The following DYSF variants were observed in gnomAD, a reference collection of about 807,000 sequenced individuals.
DYSF encodes the protein dysferlin, also known as dystrophy-associated fer-1-like 1.
Under a neutral mutation model 274.9 loss-of-function variants are expected in DYSF, and 212 were observed. The observed-to-expected ratio is 0.77, with a 90% CI of 0.69 to 0.86. The LOEUF (loss-of-function observed/expected upper bound fraction) is 0.86, where lower values mean the gene tolerates loss of function less well. Among genes scored for constraint, DYSF ranks in the 40% least tolerant of loss-of-function variants. DYSF has a pLI of 0.00. For missense variants in DYSF, 2,666 were observed against 2,783.2 expected (o/e 0.96, Z 0.95); for synonymous variants, 1,091 against 1,078.7 (o/e 1.01, Z -0.22).
intron 49 of DYSF, 46 bp downstream of exon 49, chr2:71,668,888 G>A (rs761366218): frequency 3.2e-6 from 5 of 1,584,434 alleles, no homozygotes; most frequent in East Asian, 2.3e-5. Context: ...AGGGGTGGGG[G>A]CGTTGCAGCC....
chr2:71,635,814 GAAGGAGATACAATAAAC>G (rs2152916305), intron 41 of DYSF, among the ~76,000 whole-genome samples: 2 of 150,674 alleles, frequency 1.3e-5, no homozygotes, highest in Non-Finnish European at 3.0e-5. Context: ...CCTTCATGGA[GAAGGAGATACAATAAAC>G]AATATTAATA....
rs370433490 is a variant in DYSF at position 71,481,986 on chromosome 2, G to C, written c.239+16G>C. On this transcript the variant is annotated intron_variant, in intron 3 of 55. Coordinates refer to ENST00000410020, the MANE Select transcript of DYSF (RefSeq NM_001130987.2). ...GGAGGAACAGGTAAGGTGGCCAGAG[G>C]GGGGTGCTCCATGGCTTGAAGGTGC... is the stretch of plus-strand genomic sequence containing the variant. The C allele has an allele frequency of 2.9e-4, 465 of 1,609,238 alleles. 2 individuals are homozygous for C. The highest frequency in any genetic ancestry group is 3.5e-4 in the Non-Finnish European group (413 of 1,175,984).
At chr2:71,467,026 C>G in intron 1 of DYSF, 93 bp downstream of exon 1, 1 of 1,484,244 alleles carries the variant, frequency 6.7e-7, no homozygotes, top group South Asian at 1.2e-5. Flanking sequence ...CGGAGCTAAC[C>G]CTAGTCCAGG....
At chr2:71,513,664 G>GCAGGGGCAGGGC in intron 6 of DYSF, 52 bp from the exon 7 acceptor site, 1 of 1,595,320 alleles carries the variant, frequency 6.3e-7, no homozygotes, top group East Asian at 2.2e-5. Flanking sequence ...AGGGGCAGGG[G>GCAGGGGCAGGGC]CAGGGGCAGG....
chr2:71,680,926 T>C, intron 53 of DYSF, 75 bp from the exon 54 acceptor site: 2 of 1,304,292 alleles, frequency 1.5e-6, no homozygotes, highest in East Asian at 2.3e-5. Context: ...CCTTATGTTT[T>C]TTCTGGCCTG....
chr2:71,556,632 A>G (rs2091360935), intron 22 of DYSF, among the ~76,000 whole-genome samples: 1 of 152,194 alleles, frequency 6.6e-6, no homozygotes, highest in South Asian at 2.1e-4. Context: ...ACTTTATAAT[A>G]TCTTCTAAAC....
chr2:71,542,789 C>A (rs2152772318), intron 17 of DYSF, among the ~76,000 whole-genome samples: 1 of 152,342 alleles, frequency 6.6e-6, no homozygotes, highest in East Asian at 1.9e-4. Context: ...ACAGACACAG[C>A]AACAATCTGA....
chr2:71,598,730 C>T lies in DYSF; in HGVS notation c.3741C>T (p.Tyr1247=), dbSNP rs375160101. Residue 1247 remains tyrosine, a synonymous_variant, in exon 33 of 56, where the codon TAC becomes TAT. Coordinates refer to ENST00000410020, the MANE Select transcript of DYSF (RefSeq NM_001130987.2). ...CGCCCAGCATTGTGGTGGAGCTGTACGACCATGACACTTATGTGAGTCTGC... is the reference window on the plus strand; with the variant it reads ...CGCCCAGCATTGTGGTGGAGCTGTATGACCATGACACTTATGTGAGTCTGC... ...EQPPSIVVEL[Y]DHDTYGADEF... is the part of the protein sequence containing the mutation. 3.0e-5 allele frequency: 49 copies of T among 1,612,692 alleles called. No individual in the cohort carries two copies. In the Middle Eastern group the frequency reaches 6.6e-4, roughly 22 times the overall value.
rs770883682 is a variant in DYSF at position 71,570,674 on chromosome 2, C to G, written c.3161C>G (p.Thr1054Arg). Reference protein sequence around the residue: ...HWVPAEKMYYTHRRRRWVRLR... With the variant: ...HWVPAEKMYYRHRRRRWVRLR... ...GTCCCTGCTGAGAAGATGTACTACA[C>G]ACACCGACGGCGGCGCTGGGTGCGC... The change falls in exon 29 of 56, where the codon ACA (threonine) becomes AGA (arginine). Residue 1054 changes from threonine to arginine, a missense_variant. Transcript: ENST00000410020. The G allele has an allele frequency of 5.6e-6, 9 of 1,614,106 alleles. No homozygotes were observed. Among genetic ancestry groups the G allele is most frequent in the Admixed American group, 1.7e-5 (1 of 60,016 alleles).
chr2:71,651,810 A>T (rs1336597462), intron 42 of DYSF, among the ~76,000 whole-genome samples: 11 of 152,184 alleles, frequency 7.2e-5, no homozygotes, highest in African/African-American at 2.7e-4. Context: ...ATGATAACCG[A>T]ATTTGCTTCA....
intron 2 of DYSF, 69 bp from the exon 3 acceptor site, chr2:71,481,810 G>A (rs1379897551): frequency 7.4e-7 from 1 of 1,353,650 alleles, no homozygotes; most frequent in Admixed American, 1.8e-5. Flanking sequence ...GTGGCACGAA[G>A]GTGAACCAGA....
intron 4 of DYSF, among the ~76,000 whole-genome samples, chr2:71,503,738 T>C (rs1485349325): frequency 6.6e-6 from 1 of 152,124 alleles, no homozygotes; most frequent in African/African-American, 2.4e-5. Context: ...GCATGAGGGA[T>C]GGAGGGAAAG....
At chr2:71,606,949 C>G (rs1177438332) in intron 36 of DYSF, among the ~76,000 whole-genome samples, 1 of 152,160 alleles carries the variant, frequency 6.6e-6, no homozygotes, top group Non-Finnish European at 1.5e-5. Flanking sequence ...TCTGTCTTCA[C>G]CCTCCCTCTT....
At chr2:71,535,982 C>T (rs539479171) in intron 16 of DYSF, among the ~76,000 whole-genome samples, 1 of 152,170 alleles carries the variant, frequency 6.6e-6, no homozygotes, top group Non-Finnish European at 1.5e-5. Flanking sequence ...GACTGAGTGA[C>T]CTGCCCGAGC....
upstream of DYSF, among the ~76,000 whole-genome samples, chr2:71,466,125 C>T (rs1034841095): frequency 1.3e-5 from 2 of 152,302 alleles, no homozygotes; most frequent in African/African-American, 4.8e-5. Context: ...CAAACCAGAA[C>T]GGCCACCTAG....
chr2:71,521,980 C>G (rs928610642), intron 12 of DYSF, among the ~76,000 whole-genome samples: 1 of 151,908 alleles, frequency 6.6e-6, no homozygotes, highest in African/African-American at 2.4e-5. Context: ...AACTTGCCCC[C>G]CATCTTCATC....
chr2:71,663,044 C>A (rs74756039), intron 45 of DYSF, among the ~76,000 whole-genome samples: 2 of 35,302 alleles, frequency 5.7e-5, no homozygotes, highest in Admixed American at 3.5e-4. Flanking sequence ...TGTGTGTGCG[C>A]GCACGCGCGT....
At chr2:71,634,896 G>GT (rs978713168) in intron 41 of DYSF, among the ~76,000 whole-genome samples, 28 of 152,152 alleles carry the variant, frequency 1.8e-4, no homozygotes, top group African/African-American at 4.6e-4. Context: ...AATCCTTCTA[G>GT]TTTTCCTGGC....
At position 71,478,433 on chromosome 2, in the gene DYSF, A is replaced by C. The variant is rs190390263; in HGVS notation, c.92-2450A>C. On this transcript the variant is annotated intron_variant, in intron 1 of 55. Coordinates refer to ENST00000410020, the MANE Select transcript of DYSF (RefSeq NM_001130987.2). ...TCACCGTGTTAGCCAGGATGGTCTC[A>C]ATCTCCTGGTCTCGTGATCCACCCA... Among the ~76,000 whole-genome samples the C allele has an allele frequency of 9.0e-4, 137 of 152,020 alleles. No individual in the cohort carries two copies. The East Asian group carries it at 0.011, about 12-fold the overall frequency.
Sources: gnomAD v4.1 joint callset for allele counts (sites outside exome capture counted in the v4.1 genomes callset) on GRCh38, gnomAD v4.1.1 for gene constraint, MANE v1.5 for transcripts, NCBI Gene and HGNC (gene_info 2026-07-23, HGNC 2026-07-21) for gene names.